Variants in ANKS1B observed in about 807,000 individuals in gnomAD.
ANKS1B encodes ankyrin repeat and sterile alpha motif domain containing 1B.
In ANKS1B, 36 loss-of-function variants were observed where a neutral mutation model predicts 148.3. That is an observed-to-expected ratio of 0.24 (90% CI 0.19 to 0.32). The LOEUF (loss-of-function observed/expected upper bound fraction) is 0.32. Ranked by LOEUF, ANKS1B falls within the 10% of genes least tolerant of loss-of-function variation. The pLI is 1.00. For missense variants in ANKS1B, 1,157 were observed against 1,542.6 expected (o/e 0.75, Z 4.19); for synonymous variants, 542 against 560.8 (o/e 0.97, Z 0.47).
At chr12:98,945,776 C>T (rs2153045025) in intron 17 of ANKS1B, among the ~76,000 whole-genome samples, 1 of 152,310 alleles carries the variant, frequency 6.6e-6, no homozygotes, top group Admixed American at 6.5e-5. Flanking sequence ...TCCACATCAA[C>T]ACTTCCAATA....
At chr12:99,256,667 T>G (rs2075296171) in intron 12 of ANKS1B, among the ~76,000 whole-genome samples, 1 of 152,226 alleles carries the variant, frequency 6.6e-6, no homozygotes, top group Non-Finnish European at 1.5e-5. Context: ...TCTCACAGTT[T>G]GAAGAAATTA....
intron 9 of ANKS1B, among the ~76,000 whole-genome samples, chr12:99,527,830 A>T (rs1186240672): frequency 6.6e-6 from 1 of 152,130 alleles, no homozygotes; most frequent in Non-Finnish European, 1.5e-5. Flanking sequence ...TCAAACCACC[A>T]ATGACATTCT....
At chr12:99,226,166 A>G (rs2085907356) in intron 14 of ANKS1B, among the ~76,000 whole-genome samples, 1 of 152,208 alleles carries the variant, frequency 6.6e-6, no homozygotes, top group East Asian at 1.9e-4. Context: ...TAACAATAGT[A>G]TACCAGGTGC....
chr12:99,588,530 C>T (rs1361818263), intron 9 of ANKS1B, among the ~76,000 whole-genome samples: 7 of 151,956 alleles, frequency 4.6e-5, no homozygotes, highest in Non-Finnish European at 8.8e-5. Context: ...TATTCTCCTG[C>T]CTCAGCCTCC....
chr12:98,987,270 CATTAAAATTTTAACTTCATTAAAA>C (rs1228849950), intron 17 of ANKS1B, among the ~76,000 whole-genome samples: 35 of 151,220 alleles, frequency 2.3e-4, no homozygotes, highest in South Asian at 4.2e-4. Flanking sequence ...TGATGAACTT[CATTAAAATTTTAACTTCATTAAAA>C]ATTAAAATTT....
intron 15 of ANKS1B, among the ~76,000 whole-genome samples, chr12:99,125,211 C>T (rs1441211076): frequency 3.3e-5 from 5 of 152,076 alleles, no homozygotes; most frequent in Admixed American, 2.6e-4. Context: ...AGAGGGGCCA[C>T]ATAGTTTAAA....
At chr12:99,186,172 G>A (rs1420746042) in intron 14 of ANKS1B, among the ~76,000 whole-genome samples, 1 of 152,168 alleles carries the variant, frequency 6.6e-6, no homozygotes, top group Non-Finnish European at 1.5e-5. Flanking sequence ...AGCTGCTGTA[G>A]CCACACTGTC....
chr12:98,805,450 T>C (rs551767327), intron 20 of ANKS1B, among the ~76,000 whole-genome samples: 37 of 152,328 alleles, frequency 2.4e-4, no homozygotes, highest in Non-Finnish European at 3.8e-4. Flanking sequence ...AAATGGAGAA[T>C]TGATTCTGTG....
At chr12:99,565,574 G>A (rs1393098632) in intron 9 of ANKS1B, among the ~76,000 whole-genome samples, 1 of 152,128 alleles carries the variant, frequency 6.6e-6, no homozygotes, top group East Asian at 1.9e-4. Flanking sequence ...ATCCTCCTTG[G>A]CTCTCAGCTC....
At chr12:99,267,583 A>G (rs766127316) in intron 12 of ANKS1B, among the ~76,000 whole-genome samples, 1 of 152,136 alleles carries the variant, frequency 6.6e-6, no homozygotes, top group Non-Finnish European at 1.5e-5. Context: ...TCATTCATTC[A>G]TTTATTCAAT....
intron 1 of ANKS1B, among the ~76,000 whole-genome samples, chr12:99,951,117 T>C (rs555703934): frequency 4.6e-5 from 7 of 152,380 alleles, no homozygotes; most frequent in African/African-American, 1.7e-4. Flanking sequence ...GCCATTCTGA[T>C]TTCCATCCAT....
chr12:99,756,135 G>A (rs2061544597), intron 8 of ANKS1B, among the ~76,000 whole-genome samples: 1 of 151,552 alleles, frequency 6.6e-6, no homozygotes, highest in Admixed American at 6.6e-5. Context: ...ATTTGAATAG[G>A]AAGAGAGGAA....
At chr12:99,371,573 C>A (rs1266361062) in intron 12 of ANKS1B, among the ~76,000 whole-genome samples, 3 of 152,082 alleles carry the variant, frequency 2.0e-5, no homozygotes, top group Admixed American at 6.6e-5. Context: ...CACACACACA[C>A]ACACACATAT....
intron 1 of ANKS1B, among the ~76,000 whole-genome samples, chr12:99,929,332 G>T (rs1014616031): frequency 2.0e-5 from 3 of 152,040 alleles, no homozygotes; most frequent in Non-Finnish European, 4.4e-5. Flanking sequence ...TCGCCCACTT[G>T]TTGATGGGGT....
intron 8 of ANKS1B, among the ~76,000 whole-genome samples, chr12:99,660,362 T>TCTTTTG (rs1491458396): frequency 7.9e-6 from 1 of 126,714 alleles, no homozygotes; most frequent in East Asian, 2.5e-4. Context: ...TTTTTCTTTT[T>TCTTTTG]CTTTTTTTTT....
At chr12:99,337,774 TGGTGGACCTGAGAGAGAATTG>T (rs1331307596) in intron 12 of ANKS1B, among the ~76,000 whole-genome samples, 2 of 152,190 alleles carry the variant, frequency 1.3e-5, no homozygotes, top group Non-Finnish European at 1.5e-5. Flanking sequence ...GGTCCAGCCT[TGGTGGACCTGAGAGAGAATTG>T]GGTGAGATCT....
chr12:99,064,685 C>T, intron 16 of ANKS1B, among the ~76,000 whole-genome samples: 1 of 152,332 alleles, frequency 6.6e-6, no homozygotes, highest in East Asian at 1.9e-4. Context: ...GAGATTAACT[C>T]TATCTGTAGC....
chr12:98,781,421 A>G, intron 23 of ANKS1B: 1 of 633,836 alleles, frequency 1.6e-6, no homozygotes, highest in Non-Finnish European at 2.9e-6. Flanking sequence ...GGGCTTATAA[A>G]GTTATCCGTC....
At chr12:99,571,305 T>G (rs1423282619) in intron 9 of ANKS1B, among the ~76,000 whole-genome samples, 1 of 152,070 alleles carries the variant, frequency 6.6e-6, no homozygotes, top group African/African-American at 2.4e-5. Flanking sequence ...CTATGTAAAC[T>G]TTGGTCAAAC....
Sources: gnomAD v4.1 joint callset for allele counts (sites outside exome capture counted in the v4.1 genomes callset) on GRCh38, gnomAD v4.1.1 for gene constraint, MANE v1.5 for transcripts, NCBI Gene and HGNC (gene_info 2026-07-23, HGNC 2026-07-21) for gene names.